CHID1: variants seen among roughly 807,000 people sequenced by gnomAD.
CHID1 encodes chitinase domain containing 1.
In CHID1, 44 loss-of-function variants were observed where a neutral mutation model predicts 55.4. The ratio of observed to expected loss-of-function variants is 0.79; its 90% confidence interval spans 0.62 to 1.02. The LOEUF (loss-of-function observed/expected upper bound fraction) is 1.02, where lower values mean the gene tolerates loss of function less well. Among genes scored for constraint, CHID1 ranks in the 50% least tolerant of loss-of-function variants. The pLI is 0.00. For missense variants in CHID1, 491 were observed against 515.3 expected (o/e 0.95, Z 0.46); for synonymous variants, 216 against 212.9 (o/e 1.01, Z -0.13).
At chr11:894,941 G>A (rs113233007) in intron 7 of CHID1, among the ~76,000 whole-genome samples, 2 of 152,198 alleles carry the variant, frequency 1.3e-5, no homozygotes, top group Admixed American at 6.5e-5. Flanking sequence ...ACATCATCTG[G>A]TGTTAGTTCT....
At chr11:873,634 C>T (rs1849317560) in intron 10 of CHID1, among the ~76,000 whole-genome samples, 1 of 152,082 alleles carries the variant, frequency 6.6e-6, no homozygotes, top group South Asian at 2.1e-4. Flanking sequence ...TGAACACGGA[C>T]AGCTCGGCCT....
chr11:870,210 G>C (rs755324095), intron 11 of CHID1, 47 bp from the exon 12 acceptor site: 2 of 1,611,334 alleles, frequency 1.2e-6, no homozygotes, highest in Admixed American at 1.7e-5. Flanking sequence ...CTGGTTCCAG[G>C]CCTCCTCCCC....
intron 10 of CHID1, among the ~76,000 whole-genome samples, chr11:871,759 C>T (rs565895591): frequency 5.3e-4 from 80 of 152,318 alleles, no homozygotes; most frequent in African/African-American, 1.7e-3. Flanking sequence ...CATGGACATC[C>T]GCAGGATCCT....
intron 8 of CHID1, among the ~76,000 whole-genome samples, chr11:887,224 C>T (rs1471133054): frequency 1.3e-5 from 2 of 151,998 alleles, no homozygotes; most frequent in East Asian, 1.9e-4. Context: ...GATGAGGTCT[C>T]ACTATGTTGC....
rs1017412957 is a variant in CHID1 at position 869,555 on chromosome 11, G to C, written c.*303C>G. ...AGGATGTGAGAAGCAGCCCAGAAAG[G>C]CCTGAGCCAGGCTGTCCTGGTGGGG... On this transcript the variant is annotated 3_prime_UTR_variant, in exon 13 of 13. Coordinates refer to ENST00000323578, the MANE Select transcript of CHID1 (RefSeq NM_023947.4). 2.0e-6 allele frequency: 1 copy of C among 500,986 alleles called. No individual in the cohort carries two copies. Among genetic ancestry groups the C allele is most frequent in the Non-Finnish European group, 3.6e-6 (1 of 278,054 alleles). 31.0% of individuals were successfully genotyped at this position (500,986 alleles called of 1,614,324 possible).
Position 883,218 on chromosome 11 carries a change from G to A in CHID1, c.889C>T (p.Leu297=), listed in dbSNP as rs772107493. 100 of 1,614,098 alleles carry A rather than the reference G, an allele frequency of 6.2e-5. No homozygotes were observed. Among genetic ancestry groups the A allele is most frequent in the Non-Finnish European group, 4.5e-5 (53 of 1,180,034 alleles). ...TCCATACCATAGAAGTTGAGCCCCA[G>A]GAGGATTTTGCTTCGCCACTTGGAC... ...PKSKWRSKIL[L]GLNFYGMDYA... Residue 297 remains leucine (L), a synonymous_variant, in exon 10 of 13, where the codon CTG becomes TTG. Transcript: ENST00000323578.
chr11:883,989 C>T (rs1850197244), intron 9 of CHID1, 79 bp downstream of exon 9: 1 of 1,142,514 alleles, frequency 8.8e-7, no homozygotes. Flanking sequence ...TCAGCTGTGC[C>T]CAGGAGCCCC....
At chr11:885,521 C>T (rs965588072) in intron 8 of CHID1, among the ~76,000 whole-genome samples, 9 of 152,122 alleles carry the variant, frequency 5.9e-5, no homozygotes, top group African/African-American at 1.2e-4. Flanking sequence ...CGCTCAGGCA[C>T]GGTCAGCCTC....
intron 7 of CHID1, among the ~76,000 whole-genome samples, chr11:898,251 C>T (rs940040719): frequency 6.6e-6 from 1 of 152,184 alleles, no homozygotes; most frequent in Non-Finnish European, 1.5e-5. Flanking sequence ...CCTTTGCCCA[C>T]AGCAGCAATG....
chr11:872,162 C>T (rs1849221919), intron 10 of CHID1, among the ~76,000 whole-genome samples: 1 of 152,160 alleles, frequency 6.6e-6, no homozygotes, highest in Non-Finnish European at 1.5e-5. Context: ...CCTTAGACGC[C>T]TGTTTCTGTT....
upstream of CHID1, among the ~76,000 whole-genome samples, chr11:913,090 G>A (rs772273801): frequency 7.9e-5 from 12 of 152,016 alleles, no homozygotes; most frequent in Admixed American, 1.3e-4. Flanking sequence ...GCCAGGTGCA[G>A]TGGCTGACCC....
At chr11:903,378 A>T (rs1851966606) in intron 2 of CHID1, among the ~76,000 whole-genome samples, 1 of 152,174 alleles carries the variant, frequency 6.6e-6, no homozygotes, top group Admixed American at 6.5e-5. Context: ...AGGCAGACAG[A>T]CAGTTATGGT....
chr11:878,022 G>A (rs544776809), intron 10 of CHID1, among the ~76,000 whole-genome samples: 5 of 152,340 alleles, frequency 3.3e-5, no homozygotes, highest in South Asian at 2.1e-4. Flanking sequence ...CCTGTACCAC[G>A]GACACCCTGC....
chr11:902,938 T>A, intron 3 of CHID1, 24 bp downstream of exon 3: 2 of 1,609,756 alleles, frequency 1.2e-6, no homozygotes, highest in Non-Finnish European at 1.7e-6. Context: ...GACCTCCCTC[T>A]GCACTGTGAG....
chr11:898,084 C>A (rs1003143900), intron 7 of CHID1, among the ~76,000 whole-genome samples: 1 of 152,186 alleles, frequency 6.6e-6, no homozygotes, highest in East Asian at 1.9e-4. Flanking sequence ...AGGGGCAGGG[C>A]CTGTACCGGC....
chr11:900,075 C>T lies in CHID1; in HGVS notation c.475G>A (p.Asp159Asn). 1 of 1,614,062 alleles carries T rather than the reference C, an allele frequency of 6.2e-7. No individual in the cohort carries two copies. The highest frequency in any genetic ancestry group is 2.2e-5 in the East Asian group (1 of 44,878). ...TCACTGTCTAAGACGTTCCGGAAAT[C>T]ATCGTAAGTCCAGTCCTCAAACAGG... ...RLLFEDWTYDDFRNVLDSEDE... is the reference protein window; with the variant it reads ...RLLFEDWTYDNFRNVLDSEDE... The change falls in exon 6 of 13, where the codon GAT (aspartate) becomes AAT (asparagine). Residue 159 changes from aspartate (D) to asparagine (N), a missense_variant. Physicochemically the swap from Asp to Asn is conservative, Grantham distance 23. Coordinates refer to ENST00000323578, the MANE Select transcript of CHID1 (RefSeq NM_023947.4).
At chr11:887,124 CT>C (rs910056171) in intron 8 of CHID1, among the ~76,000 whole-genome samples, 1 of 152,134 alleles carries the variant, frequency 6.6e-6, no homozygotes, top group Admixed American at 6.5e-5. Context: ...GCCTCAAGAC[CT>C]CTTGAGCTCA....
intron 8 of CHID1, among the ~76,000 whole-genome samples, chr11:885,473 CA>C (rs150274830): frequency 0.018 from 2,789 of 152,300 alleles, 96 homozygotes; most frequent in African/African-American, 0.064. Context: ...ATGGTCCCCT[CA>C]GCCCCGACCT....
rs1267518623 is a variant in CHID1 at position 869,696 on chromosome 11, C to A, written c.*162G>T. Reference sequence around the variant, plus strand: ...GCTAGGACTCATCCAGGGCAGGGACCCCTCATGGGAGGATGGGGAGTCACA... The same window carrying A: ...GCTAGGACTCATCCAGGGCAGGGACACCTCATGGGAGGATGGGGAGTCACA... On this transcript the variant is annotated 3_prime_UTR_variant, in exon 13 of 13. Coordinates refer to ENST00000323578, the MANE Select transcript of CHID1 (RefSeq NM_023947.4). 6.1e-6 allele frequency: 4 copies of A among 655,154 alleles called. No individual in the cohort carries two copies. The highest frequency in any genetic ancestry group is 2.5e-5 in the Admixed American group (1 of 39,568). The allele number at this position is 655,154 out of a possible 1,614,324, so 40.6% of individuals were successfully genotyped here.
Sources: allele counts gnomAD v4.1 joint callset (sites outside exome capture counted in the v4.1 genomes callset), GRCh38; gene constraint gnomAD v4.1.1; transcripts MANE v1.5; gene names NCBI Gene and HGNC (gene_info 2026-07-23, HGNC 2026-07-21).